EIF4G2: variants seen among roughly 807,000 people sequenced by gnomAD.
The protein encoded by EIF4G2 is eukaryotic translation initiation factor 4 gamma 2, also known as DAP-5.
Under a neutral mutation model 117.7 loss-of-function variants are expected in EIF4G2, and 8 were observed. That is an observed-to-expected ratio of 0.07 (90% CI 0.04 to 0.12). The LOEUF (loss-of-function observed/expected upper bound fraction) is 0.12. Among genes scored for constraint, EIF4G2 ranks in the 10% least tolerant of loss-of-function variants. EIF4G2 has a pLI of 1.00. For missense variants in EIF4G2, 812 were observed against 1,086.2 expected, an observed-to-expected ratio of 0.75 and a Z score of 3.55; for synonymous variants, 413 against 367.8, an observed-to-expected ratio of 1.12 and a Z score of -1.41.
chr11:10,806,422 C>T, intron 3 of EIF4G2: 1 of 322,888 alleles, frequency 3.1e-6, no homozygotes, highest in Non-Finnish European at 5.8e-6. Flanking sequence ...AGCGACCCTC[C>T]CACCTTTGCC....
At chr11:10,806,490 ACTTT>A (rs1484951625) in intron 3 of EIF4G2, 3 of 335,378 alleles carry the variant, frequency 8.9e-6, no homozygotes, top group African/African-American at 2.1e-5. Flanking sequence ...GCCAATAAAC[ACTTT>A]CTAATGTTTT....
At chr11:10,806,290 T>G (rs1409178739) in intron 3 of EIF4G2, 4 of 549,008 alleles carry the variant, frequency 7.3e-6, no homozygotes, top group East Asian at 6.1e-5. Context: ...GCCTAAGAAT[T>G]TGCATGTCTA....
rs977721210 is a variant in EIF4G2, at chr11:10,806,893, A to G, written c.42-8T>C. 2.5e-6 allele frequency: 4 copies of G among 1,613,800 alleles called. No homozygotes were observed. The highest frequency in any genetic ancestry group is 3.4e-6 in the Non-Finnish European group (4 of 1,179,996). On this transcript the variant is annotated splice_region_variant and splice_polypyrimidine_tract_variant and intron_variant, in intron 2 of 21. Transcript: ENST00000339995. ...CCTCCGCCCGAAGAAGCACTATTTA[A>G]AAGAAAAAAATTGTTTACTGTATCC... is the stretch of plus-strand genomic sequence containing the variant.
At position 10,807,363 on chromosome 11, in the gene EIF4G2, G is replaced by T. The variant is rs771125410; in HGVS notation, c.-68C>A. 3.5e-5 allele frequency: 57 copies of T among 1,606,448 alleles called. No homozygotes were observed. The East Asian group carries it at 1.1e-3, about 31-fold the overall frequency. On this transcript the variant is annotated 5_prime_UTR_variant, in exon 2 of 22. Coordinates refer to ENST00000339995, the MANE Select transcript of EIF4G2 (RefSeq NM_001418.4). ...AATAGATGGGGTGGGGAGGGGAGGG[G>T]ACAGGAGAAATGAAATACCTGGAAC...
rs1564983897 is a variant in EIF4G2, at chr11:10,804,023, A to C, written c.578T>G (p.Leu193Arg). Residue 193 changes from leucine (L) to arginine (R), a missense_variant, in exon 8 of 22, where the codon CTC becomes CGC. By Grantham distance (102) the Leu-to-Arg change is moderately radical. Around this residue, in one of 4 missense-constraint regions of EIF4G2, gnomAD observed 154 missense variants for 322.1 expected, o/e 0.48. Transcript: ENST00000339995. ...GGCTCTCTGTTCCTCCTCCTCGGGGAGGAGGGGATTTTCACGCTTATCATA... is the reference window on the plus strand; with the variant it reads ...GGCTCTCTGTTCCTCCTCCTCGGGGCGGAGGGGATTTTCACGCTTATCATA... The C allele has an allele frequency of 6.2e-7, 1 of 1,613,834 alleles. No individual in the cohort carries two copies. Among genetic ancestry groups the C allele is most frequent in the Non-Finnish European group, 8.5e-7 (1 of 1,179,936 alleles).
chr11:10,797,575 T>G lies in EIF4G2; in HGVS notation c.*241A>C. The G allele has an allele frequency of 2.1e-6, 1 of 476,206 alleles. No individual in the cohort carries two copies. The highest frequency in any genetic ancestry group is 2.9e-5 in the South Asian group (1 of 34,200). 29.5% of individuals were successfully genotyped at this position (476,206 alleles called of 1,614,324 possible). Reference sequence around the variant, plus strand: ...GCTTGAGAACTTATGATGTAATTATTGCATGCTGCTAATATACTATCTAAA... The same window carrying G: ...GCTTGAGAACTTATGATGTAATTATGGCATGCTGCTAATATACTATCTAAA... On this transcript the variant is annotated 3_prime_UTR_variant, in exon 22 of 22. Coordinates refer to ENST00000339995, the MANE Select transcript of EIF4G2 (RefSeq NM_001418.4). The surrounding 1 kb of genome is among the most constrained non-coding windows in gnomAD (Gnocchi z 4.5).
In EIF4G2 at chr11:10,807,857, G is replaced by A. The variant is rs558719633; in HGVS notation, c.-86-476C>T. 3.3e-4 allele frequency: 327 copies of A among 985,938 alleles called. 2 individuals carry two copies. The highest frequency in any genetic ancestry group is 5.2e-4 in the Middle Eastern group (1 of 1,918). The allele number at this position is 985,938 out of a possible 1,614,324, so 61.1% of individuals were successfully genotyped here. A position where few individuals can be genotyped will look rare whatever the true frequency, so the allele number is the denominator to read the frequency against. ...GAGCTCGTGGAAAGACGCGCGAGAGGGGGCCGGGTGTACAGGACTAGCACT... is the reference window on the plus strand; with the variant it reads ...GAGCTCGTGGAAAGACGCGCGAGAGAGGGCCGGGTGTACAGGACTAGCACT... On this transcript the variant is annotated intron_variant, in intron 1 of 21. Transcript: ENST00000339995.
intron 18 of EIF4G2, 89 bp from the exon 19 acceptor site, chr11:10,799,845 C>G (rs886216513): frequency 1.4e-6 from 2 of 1,434,406 alleles, no homozygotes; most frequent in East Asian, 4.6e-5. Flanking sequence ...ATGATGTCCC[C>G]AAGTATGTAA....
In EIF4G2 at chr11:10,803,889, T is replaced by G. The variant is rs377690122; in HGVS notation, c.702+10A>C. 1.9e-6 allele frequency: 3 copies of G among 1,605,364 alleles called. No individual in the cohort carries two copies. In the African/African-American group the frequency reaches 4.0e-5, roughly 21 times the overall value. On this transcript the variant is annotated intron_variant, in intron 8 of 21. Transcript: ENST00000339995. This position sits in a 1 kb window ranked among gnomAD's most constrained non-coding sequence, Gnocchi z 4.0. The stretch of plus-strand genomic sequence containing the variant: ...TGACTACATTCGCCTAACTTCCCTG[T>G]CACACTTACTGTTTTGATGCACTTA...
chr11:10,807,385 G>A lies in EIF4G2; in HGVS notation c.-86-4C>T. ...GGGGACAGGAGAAATGAAATACCTG[G>A]AACGAGAAAGAGCACCAAAATTAGA... On this transcript the variant is annotated splice_polypyrimidine_tract_variant and splice_region_variant and intron_variant, in intron 1 of 21. Coordinates refer to ENST00000339995, the MANE Select transcript of EIF4G2 (RefSeq NM_001418.4). 1 of 1,592,926 alleles carries A rather than the reference G, an allele frequency of 6.3e-7. No individual in the cohort carries two copies. Among genetic ancestry groups the A allele is most frequent in the Non-Finnish European group, 8.5e-7 (1 of 1,175,468 alleles).
Position 10,803,450 on chromosome 11 carries a change from T to G in EIF4G2, c.813+30A>C. 2 of 1,595,844 alleles carry G rather than the reference T, an allele frequency of 1.3e-6. No homozygotes were observed. Among genetic ancestry groups the G allele is most frequent in the Non-Finnish European group, 1.7e-6 (2 of 1,164,026 alleles). On this transcript the variant is annotated intron_variant, in intron 9 of 21. Transcript: ENST00000339995. The surrounding 1 kb of genome is among the most constrained non-coding windows in gnomAD (Gnocchi z 4.0). ...ATAGCTTGATTTAAAGACAAACTAC[T>G]TGTACTACTTTCATCAGCTACACAC...
chr11:10,806,603 A>G (rs1347082115), intron 3 of EIF4G2: 3 of 530,832 alleles, frequency 5.7e-6, no homozygotes, highest in Non-Finnish European at 1.0e-5. Flanking sequence ...AACCCAAAGA[A>G]TAAGGAAAAA....
At chr11:10,802,524 GAAT>G in intron 11 of EIF4G2, 89 bp from the exon 12 acceptor site, 1 of 1,429,630 alleles carries the variant, frequency 7.0e-7, no homozygotes, top group Non-Finnish European at 9.3e-7. Context: ...GGGAAACCTA[GAAT>G]ATTAAACCAT....
chr11:10,808,286 G>T (rs764351481), intron 1 of EIF4G2: 1 of 1,216,938 alleles, frequency 8.2e-7, no homozygotes, highest in South Asian at 1.4e-5. Context: ...CCTCCCCGCC[G>T]GGAGGCCAGG....
Position 10,800,299 on chromosome 11 carries a change from G to C in EIF4G2, c.1910C>G (p.Pro637Arg). ...CTGTGCTAAATAGGATTTCACCAAA[G>C]GGATGTCAACCTCCAGTTTGGGACA... Residue 637 changes from proline to arginine, a missense_variant, in exon 18 of 22, where the codon CCT (proline) becomes CGT (arginine). This residue lies in a region of EIF4G2 where 571 missense variants were observed against 642.3 expected (regional missense o/e 0.89). Transcript: ENST00000339995. 1 of 1,614,170 alleles carries C rather than the reference G, an allele frequency of 6.2e-7. No homozygotes were observed. The highest frequency in any genetic ancestry group is 8.5e-7 in the Non-Finnish European group (1 of 1,180,014).
At chr11:10,799,998 G>A in intron 18 of EIF4G2, 92 bp downstream of exon 18, 1 of 1,400,884 alleles carries the variant, frequency 7.1e-7, no homozygotes, top group Non-Finnish European at 9.7e-7. Flanking sequence ...AGGACAATCA[G>A]ACTGTCTGAC....
At chr11:10,808,096 A>T (rs1023122780) in intron 1 of EIF4G2, 26 of 1,058,492 alleles carry the variant, frequency 2.5e-5, no homozygotes, top group Non-Finnish European at 3.0e-5. Flanking sequence ...TTCTCCAAGC[A>T]GGAAGGCGGC....
rs1847675851 is a variant in EIF4G2 at position 10,808,859 on chromosome 11, G to A, written c.-241C>T. 2 of 161,812 alleles carry A rather than the reference G, an allele frequency of 1.2e-5. No individual in the cohort carries two copies. Among genetic ancestry groups the A allele is most frequent in the African/African-American group, 2.4e-5 (1 of 41,472 alleles). 10.0% of individuals were successfully genotyped at this position (161,812 alleles called of 1,614,324 possible). A position where few individuals can be genotyped will look rare whatever the true frequency, so the allele number is the denominator to read the frequency against. ...GGGACGGCCTCAAACTCAGCTCAGA[G>A]GAGTCGCTGCTGCAGCCGCCACTCG... is the stretch of plus-strand genomic sequence containing the variant. On this transcript the variant is annotated 5_prime_UTR_variant, in exon 1 of 22. Coordinates refer to ENST00000339995, the MANE Select transcript of EIF4G2 (RefSeq NM_001418.4).
At chr11:10,802,487 TAAAACTA>T (rs1847450412) in intron 11 of EIF4G2, 52 bp from the exon 12 acceptor site, 1 of 1,484,350 alleles carries the variant, frequency 6.7e-7, no homozygotes, top group South Asian at 1.4e-5. Flanking sequence ...CTATTTCACT[TAAAACTA>T]AAATTCTTGC....
Sources: allele counts gnomAD v4.1 joint callset, GRCh38; gene constraint gnomAD v4.1.1; regional missense constraint gnomAD v4.1.1; non-coding constraint Gnocchi (gnomAD v3.1); transcripts MANE v1.5; gene names NCBI Gene and HGNC (gene_info 2026-07-23, HGNC 2026-07-21).